The following DYNC1LI1 variants were observed in gnomAD, a reference collection of about 807,000 sequenced individuals.
The protein encoded by DYNC1LI1 is cytoplasmic dynein 1 light intermediate chain 1.
In DYNC1LI1, 19 loss-of-function variants were observed where a neutral mutation model predicts 63.8. That is an observed-to-expected ratio of 0.30 (90% CI 0.21 to 0.44). DYNC1LI1 has a LOEUF of 0.44. Ranked by LOEUF, DYNC1LI1 falls within the 20% of genes least tolerant of loss-of-function variation. The pLI, the probability that DYNC1LI1 is intolerant of heterozygous loss-of-function variation, is 1.00. For synonymous variants in DYNC1LI1, 225 were observed against 232.3 expected (o/e 0.97, Z 0.28); for missense variants, 565 against 630.2 (o/e 0.90, Z 1.11).
intron 6 of DYNC1LI1, among the ~76,000 whole-genome samples, chr3:32,536,610 T>C (rs1697777288): frequency 6.6e-6 from 1 of 152,148 alleles, no homozygotes; most frequent in Admixed American, 6.5e-5. Flanking sequence ...TGTTAGGCTA[T>C]ATGTGGAGAA....
chr3:32,529,685 T>C, intron 10 of DYNC1LI1, 25 bp from the exon 11 acceptor site: 2 of 1,553,646 alleles, frequency 1.3e-6, no homozygotes, highest in African/African-American at 1.4e-5. Flanking sequence ...GAAAATACAA[T>C]TATAAAAACC....
intron 2 of DYNC1LI1, among the ~76,000 whole-genome samples, chr3:32,551,037 T>C (rs1024981546): frequency 1.6e-4 from 24 of 152,002 alleles, no homozygotes; most frequent in African/African-American, 5.8e-4. Flanking sequence ...GCATTAAACA[T>C]TTATTAAACT....
At position 32,532,487 on chromosome 3, in the gene DYNC1LI1, G is replaced by GTATATATATATATATATATATATA. The variant is rs140866478; in HGVS notation, c.1080+498_1080+499insTATATATATATATATATATATATA. ...TCTCAAAAAAAAAAAAAAAATGTGT[G>GTATATATATATATATATATATATA]TATATATATATATATATATAAAATT... is the stretch of plus-strand genomic sequence containing the variant. On this transcript the variant is annotated intron_variant, in intron 8 of 12. Coordinates refer to ENST00000273130, the MANE Select transcript of DYNC1LI1 (RefSeq NM_016141.4). 1.1e-3 allele frequency: 134 copies of GTATATATATATATATATATATATA among 125,328 alleles called. 1 individual carries two copies. The highest frequency in any genetic ancestry group is 6.7e-3 in the South Asian group (25 of 3,746). The allele number at this position is 125,328 out of a possible 1,614,324, so 7.8% of individuals were successfully genotyped here.
chr3:32,543,787 G>A (rs1007330112), intron 4 of DYNC1LI1, among the ~76,000 whole-genome samples: 11 of 151,586 alleles, frequency 7.3e-5, no homozygotes, highest in Admixed American at 1.3e-4. Flanking sequence ...ACAGGCAGCC[G>A]GACGTGGTGG....
At chr3:32,537,963 T>A (rs1443079704) in intron 5 of DYNC1LI1, among the ~76,000 whole-genome samples, 3 of 2,758 alleles carry the variant, frequency 1.1e-3, no homozygotes, top group African/African-American at 2.7e-3. Context: ...ATATATATAA[T>A]ATATATATAT....
In DYNC1LI1 at chr3:32,529,593, G is replaced by A; in HGVS notation, c.1253C>T (p.Ala418Val). Residue 418 changes from alanine to valine, a missense_variant, in exon 11 of 13, where the codon GCC becomes GTC. Ala to Val is a moderately conservative substitution (Grantham distance 64). Transcript: ENST00000273130. ...CCCAGCAGGAATGGGTGACACGCTG[G>A]CAACATTAGATGATACAGATCTATT... Reference protein sequence around the residue: ...TPNRSVSSNVASVSPIPAGSK... With the variant: ...TPNRSVSSNVVSVSPIPAGSK... The A allele has an allele frequency of 1.2e-6, 2 of 1,609,960 alleles. No individual in the cohort carries two copies. Among genetic ancestry groups the A allele is most frequent in the South Asian group, 2.2e-5 (2 of 90,570 alleles).
chr3:32,570,331 G>GA lies in DYNC1LI1; in HGVS notation c.220+14_220+15insT. ...TGGGGGCCGGGCGGGGCGGGGCGAG[G>GA]CAGGGAACACTTACCCAGCAGTAGC... On this transcript the variant is annotated intron_variant, in intron 2 of 12. Coordinates refer to ENST00000273130, the MANE Select transcript of DYNC1LI1 (RefSeq NM_016141.4). 1 of 1,585,964 alleles carries GA rather than the reference G, an allele frequency of 6.3e-7. No individual in the cohort carries two copies. Among genetic ancestry groups the GA allele is most frequent in the Non-Finnish European group, 8.6e-7 (1 of 1,165,070 alleles).
intron 2 of DYNC1LI1, among the ~76,000 whole-genome samples, chr3:32,569,539 C>T (rs905822015): frequency 6.6e-6 from 1 of 152,084 alleles, no homozygotes; most frequent in African/African-American, 2.4e-5. Flanking sequence ...ATAAGCCAAA[C>T]TTCAGTTATC....
chr3:32,545,704 T>C, intron 3 of DYNC1LI1, 145 bp downstream of exon 3: 2 of 689,796 alleles, frequency 2.9e-6, no homozygotes, highest in Admixed American at 5.0e-5. Flanking sequence ...AATAAAAGTA[T>C]GGCTAAACAT....
Position 32,544,910 on chromosome 3 carries a change from G to T in DYNC1LI1, c.534C>A (p.Ile178=), listed in dbSNP as rs1697931964. ...CCATTTGTTTCATTTCTTCAGGAGG[G>T]ATTTTCAGTTTGTCAACATGTTCTC... ...VVREHVDKLK[I]PPEEMKQMEQ... Residue 178 remains isoleucine (I), a synonymous_variant, in exon 4 of 13, where the codon ATC becomes ATA. Coordinates refer to ENST00000273130, the MANE Select transcript of DYNC1LI1 (RefSeq NM_016141.4). The T allele has an allele frequency of 6.2e-7, 1 of 1,613,382 alleles. No individual in the cohort carries two copies. Among genetic ancestry groups the T allele is most frequent in the South Asian group, 1.1e-5 (1 of 91,066 alleles).
intron 2 of DYNC1LI1, among the ~76,000 whole-genome samples, chr3:32,554,231 T>C (rs949132010): frequency 2.0e-5 from 3 of 152,366 alleles, no homozygotes; most frequent in East Asian, 1.9e-4. Context: ...TTTACTATGC[T>C]GGTAATTTTT....
At chr3:32,538,048 A>AAT (rs1553617967) in intron 5 of DYNC1LI1, among the ~76,000 whole-genome samples, 868 of 34,792 alleles carry the variant, frequency 0.025, 126 homozygotes, top group Non-Finnish European at 0.031. Context: ...TATATATATA[A>AAT]TTATATATAT....
At position 32,570,185 on chromosome 3, in the gene DYNC1LI1, T is replaced by A. The variant is rs574767853; in HGVS notation, c.220+161A>T. The A allele has an allele frequency of 1.1e-5, 8 of 727,294 alleles. No individual in the cohort carries two copies. In the Admixed American group the frequency reaches 1.4e-4, roughly 13 times the overall value. 45.1% of individuals were successfully genotyped at this position (727,294 alleles called of 1,614,324 possible). ...CGCAGGTCCTGGGTCAAGGGTCTCG[T>A]GTTCCCCTTCTCTCCCAGCCATCCG... On this transcript the variant is annotated intron_variant, in intron 2 of 12. Transcript: ENST00000273130.
chr3:32,530,110 A>G (rs1697675338), intron 10 of DYNC1LI1, among the ~76,000 whole-genome samples, 174 bp downstream of exon 10: 1 of 152,212 alleles, frequency 6.6e-6, no homozygotes, highest in South Asian at 2.1e-4. Flanking sequence ...TTGACACACA[A>G]CAAATGTTAC....
chr3:32,547,379 T>C (rs1449331249), intron 2 of DYNC1LI1, among the ~76,000 whole-genome samples: 1 of 152,238 alleles, frequency 6.6e-6, no homozygotes, highest in Non-Finnish European at 1.5e-5. Context: ...TTTATAGATA[T>C]AAAACTGGAG....
At chr3:32,532,361 G>T (rs941783535) in intron 8 of DYNC1LI1, 2 of 151,574 alleles carry the variant, frequency 1.3e-5, no homozygotes, top group African/African-American at 4.9e-5. Flanking sequence ...AGCTACTCGG[G>T]AGGCTGAGGC....
intron 2 of DYNC1LI1, among the ~76,000 whole-genome samples, chr3:32,562,137 C>T (rs1407252497): frequency 6.6e-6 from 1 of 152,040 alleles, no homozygotes; most frequent in African/African-American, 2.4e-5. Flanking sequence ...GGTATGGTGT[C>T]CTGTAGTCCC....
At chr3:32,528,392 A>G (rs1697650751) in intron 12 of DYNC1LI1, 54 bp downstream of exon 12, 16 of 1,598,372 alleles carry the variant, frequency 1.0e-5, no homozygotes, top group African/African-American at 2.7e-5. Context: ...GAACTTCATT[A>G]TATCTCAAAA....
chr3:32,534,611 T>A lies in DYNC1LI1; in HGVS notation c.868A>T (p.Asn290Tyr). ...AALIYTSVKE[N>Y]KNIDLVYKYI... is the part of the protein sequence containing the mutation. The stretch of plus-strand genomic sequence containing the variant: ...TTATATACTAAGTCTATATTTTTGT[T>A]TTCTTTTACTGAAGTGTAAATAAGT... The change falls in exon 7 of 13, where the codon AAC becomes TAC. Residue 290 changes from asparagine to tyrosine, a missense_variant. Coordinates refer to ENST00000273130, the MANE Select transcript of DYNC1LI1 (RefSeq NM_016141.4). 1.9e-6 allele frequency: 3 copies of A among 1,597,120 alleles called. No individual in the cohort carries two copies. Among genetic ancestry groups the A allele is most frequent in the South Asian group, 1.1e-5 (1 of 89,068 alleles).
Sources: allele counts gnomAD v4.1 joint callset (sites outside exome capture counted in the v4.1 genomes callset), GRCh38; gene constraint gnomAD v4.1.1; transcripts MANE v1.5; gene names NCBI Gene and HGNC (gene_info 2026-07-23, HGNC 2026-07-21).